CLIP1: variants seen among roughly 807,000 people sequenced by gnomAD.
CLIP1 encodes CAP-Gly domain-containing linker protein 1.
A neutral mutation model predicts 161.6 loss-of-function variants in CLIP1; 66 were observed. The observed-to-expected ratio is 0.41, with a 90% CI of 0.33 to 0.50. The LOEUF (loss-of-function observed/expected upper bound fraction) is 0.50. Among genes scored for constraint, CLIP1 ranks in the 20% least tolerant of loss-of-function variants. The pLI is 0.27. For synonymous variants in CLIP1, 598 were observed against 626.2 expected (o/e 0.96, Z 0.67); for missense variants, 1,376 against 1,702.0 (o/e 0.81, Z 3.37).
At chr12:122,354,683 G>A in intron 6 of CLIP1, 127 bp from the exon 7 acceptor site, 1 of 666,856 alleles carries the variant, frequency 1.5e-6, no homozygotes. Flanking sequence ...ATGTTAAAAA[G>A]CTTTCTCTAT....
At chr12:122,415,614 T>G (rs893046135) in intron 1 of CLIP1, among the ~76,000 whole-genome samples, 17 of 149,838 alleles carry the variant, frequency 1.1e-4, no homozygotes, top group African/African-American at 4.2e-4. Context: ...AGGTCAGGAG[T>G]TTGAGACCAA....
intron 1 of CLIP1, among the ~76,000 whole-genome samples, chr12:122,396,994 G>A (rs1273899606): frequency 1.5e-5 from 2 of 130,568 alleles, no homozygotes; most frequent in Non-Finnish European, 1.5e-5. Flanking sequence ...GCCTAGGCTG[G>A]TCTTGAACTC....
At chr12:122,369,944 T>C (rs1954352419) in intron 3 of CLIP1, among the ~76,000 whole-genome samples, 1 of 151,660 alleles carries the variant, frequency 6.6e-6, no homozygotes, top group African/African-American at 2.4e-5. Flanking sequence ...AGACAGATCA[T>C]TTGAGGACAG....
intron 11 of CLIP1, among the ~76,000 whole-genome samples, chr12:122,340,127 G>T (rs1333888048): frequency 1.3e-5 from 2 of 151,200 alleles, no homozygotes; most frequent in South Asian, 2.1e-4. Context: ...TCCCAGGCTG[G>T]AGTGCAGTGG....
chr12:122,408,247 G>C (rs1043523937), intron 1 of CLIP1, among the ~76,000 whole-genome samples: 1 of 149,148 alleles, frequency 6.7e-6, no homozygotes, highest in African/African-American at 2.5e-5. Flanking sequence ...AAAAAAAAAA[G>C]GTTCTTGTTT....
At chr12:122,333,184 T>C (rs1019041007) in intron 14 of CLIP1, 41 bp from the exon 15 acceptor site, 1 of 1,488,772 alleles carries the variant, frequency 6.7e-7, no homozygotes, top group Non-Finnish European at 9.2e-7. Flanking sequence ...GGCTGTGTTA[T>C]ATCAACAAAA....
chr12:122,289,490 GAAGTC>G (rs1261756308), intron 20 of CLIP1, among the ~76,000 whole-genome samples: 2 of 151,952 alleles, frequency 1.3e-5, no homozygotes, highest in African/African-American at 4.8e-5. Flanking sequence ...TTAAACCGCA[GAAGTC>G]AAGTGTCACT....
chr12:122,328,449 G>A, intron 15 of CLIP1, 23 bp from the exon 16 acceptor site: 1 of 1,441,524 alleles, frequency 6.9e-7, no homozygotes, highest in Non-Finnish European at 9.3e-7. Flanking sequence ...TCAATATAAG[G>A]TGTCAGATTT....
chr12:122,342,913 T>C (rs1434041128), intron 10 of CLIP1: 1 of 151,540 alleles, frequency 6.6e-6, no homozygotes, highest in Non-Finnish European at 1.5e-5. Context: ...TTTGAATATA[T>C]CAGTTACATA....
chr12:122,367,179 T>C (rs200052643), intron 3 of CLIP1, among the ~76,000 whole-genome samples: 2 of 152,172 alleles, frequency 1.3e-5, no homozygotes, highest in East Asian at 3.9e-4. Flanking sequence ...CCAAGCAAAC[T>C]ACAAGCTTCA....
chr12:122,419,166 T>C (rs1956851273), intron 1 of CLIP1, among the ~76,000 whole-genome samples: 2 of 151,990 alleles, frequency 1.3e-5, no homozygotes, highest in South Asian at 2.1e-4. Context: ...AATTCAAGAG[T>C]TGGAGACCAG....
chr12:122,394,447 C>CAT (rs1955813565), intron 1 of CLIP1, among the ~76,000 whole-genome samples: 3 of 140,826 alleles, frequency 2.1e-5, no homozygotes, highest in African/African-American at 2.7e-5. Flanking sequence ...CAAGATTTCG[C>CAT]CACTGCACTC....
chr12:122,345,235 C>A (rs569002782), intron 10 of CLIP1, among the ~76,000 whole-genome samples: 1 of 150,892 alleles, frequency 6.6e-6, no homozygotes, highest in East Asian at 1.9e-4. Flanking sequence ...AGTGCAGAGA[C>A]ATGAACATGG....
Position 122,330,035 on chromosome 12 carries a change from T to G in CLIP1, c.2868-1609A>C, listed in dbSNP as rs1951877053. ...AGGAGGCTGAGACAGGAGAATCACT[T>G]GAACCCAGAAGGTGGAGGTTGCGGT... is the stretch of plus-strand genomic sequence containing the variant. On this transcript the variant is annotated intron_variant, in intron 15 of 25. Transcript: ENST00000620786. Among the ~76,000 whole-genome samples, 3 of 152,204 alleles carry G rather than the reference T, an allele frequency of 2.0e-5. No individual in the cohort carries two copies. In the East Asian group the frequency reaches 5.8e-4, roughly 29 times the overall value.
rs766333607 is a variant in CLIP1, at chr12:122,278,800, C to G, written c.3908G>C (p.Ser1303Thr). Residue 1303 changes from serine (S) to threonine (T), a missense_variant, in exon 23 of 26, where the codon AGC becomes ACC. Around this residue, in one of 6 missense-constraint regions of CLIP1, gnomAD observed 948 missense variants for 1,134.8 expected, o/e 0.84. Transcript: ENST00000620786. ...QLKENKRQLS[S>T]SSGNTDTQAD... is the part of the protein sequence containing the mutation. ...GGGCAGGCGCCCTTTACCTGAGGAG[C>G]TGCTGAGCTGCCTCTTGTTTTCTTT... The G allele has an allele frequency of 2.5e-6, 4 of 1,598,756 alleles. No individual in the cohort carries two copies. The East Asian group carries it at 6.7e-5, about 27-fold the overall frequency.
intron 19 of CLIP1, among the ~76,000 whole-genome samples, chr12:122,312,792 T>C (rs1485590248): frequency 6.6e-6 from 1 of 152,090 alleles, no homozygotes; most frequent in Non-Finnish European, 1.5e-5. Flanking sequence ...TGTGTCTATA[T>C]TGGTGCCCCT....
At chr12:122,309,141 T>C (rs922527935) in intron 20 of CLIP1, among the ~76,000 whole-genome samples, 19 of 152,228 alleles carry the variant, frequency 1.2e-4, no homozygotes, top group African/African-American at 3.6e-4. Flanking sequence ...TTGCCATGTT[T>C]AATCAACTTC....
At chr12:122,404,320 G>A (rs1308260070) in intron 1 of CLIP1, among the ~76,000 whole-genome samples, 1 of 152,214 alleles carries the variant, frequency 6.6e-6, no homozygotes, top group East Asian at 1.9e-4. Context: ...GAATAGGCCG[G>A]GTGCAGTGGC....
chr12:122,316,722 T>A (rs1951287017), intron 19 of CLIP1, 27 bp downstream of exon 19: 3 of 1,307,588 alleles, frequency 2.3e-6, no homozygotes, highest in Non-Finnish European at 3.2e-6. Context: ...AAATTCCATA[T>A]TTTTTTCTCA....
Sources: gnomAD v4.1 joint callset for allele counts (sites outside exome capture counted in the v4.1 genomes callset) on GRCh38, gnomAD v4.1.1 for gene constraint, gnomAD v4.1.1 regional missense constraint, MANE v1.5 for transcripts, NCBI Gene and HGNC (gene_info 2026-07-23, HGNC 2026-07-21) for gene names.